The following GDA variants were observed in gnomAD, a reference collection of about 807,000 sequenced individuals.
The protein encoded by GDA is cytoplasmic PSD-95 interactor.
Under a neutral mutation model 59.6 loss-of-function variants are expected in GDA, and 18 were observed. That is an observed-to-expected ratio of 0.30 (90% confidence interval 0.21 to 0.45). The LOEUF (loss-of-function observed/expected upper bound fraction) is 0.45, where lower values mean the gene tolerates loss of function less well. Among genes scored for constraint, GDA ranks in the 20% least tolerant of loss-of-function variants. GDA has a pLI of 1.00. For missense variants in GDA, 427 were observed against 552.3 expected (o/e 0.77, Z 2.27); for synonymous variants, 201 against 201.1 (o/e 1.00, Z 0.00).
downstream of GDA, among the ~76,000 whole-genome samples, chr9:72,253,984 A>T (rs1204959191): frequency 6.6e-6 from 1 of 152,166 alleles, no homozygotes; most frequent in African/African-American, 2.4e-5. Flanking sequence ...AATACCTCCC[A>T]GTAGCAAAAC....
chr9:72,247,577 C>A, intron 13 of GDA, 144 bp downstream of exon 13: 1 of 618,980 alleles, frequency 1.6e-6, no homozygotes, highest in Non-Finnish European at 2.9e-6. Context: ...TTTTAACAGT[C>A]TGAAGCATCA....
intron 2 of GDA, chr9:72,197,594 G>A (rs1833347527): frequency 6.6e-6 from 1 of 152,086 alleles, no homozygotes; most frequent in African/African-American, 2.4e-5. Context: ...CTCTTTATGA[G>A]GTTGCTTTTG....
intron 3 of GDA, 122 bp from the exon 4 acceptor site, chr9:72,210,565 A>T (rs1456905306): frequency 3.2e-6 from 2 of 628,518 alleles, no homozygotes; most frequent in Non-Finnish European, 5.7e-6. Context: ...CTCTACATCA[A>T]GATGGCATAC....
intron 1 of GDA, among the ~76,000 whole-genome samples, chr9:72,162,376 A>G (rs1828740570): frequency 6.6e-6 from 1 of 152,218 alleles, no homozygotes; most frequent in African/African-American, 2.4e-5. Flanking sequence ...AAATCAGAGG[A>G]CTTGGCTTAT....
intron 1 of GDA, among the ~76,000 whole-genome samples, chr9:72,162,884 C>T (rs1587418115): frequency 6.6e-6 from 1 of 152,162 alleles, no homozygotes; most frequent in Admixed American, 6.5e-5. Flanking sequence ...GTCTCGATCT[C>T]CTGACCTCGT....
chr9:72,195,337 C>CTTTTTTTTTTTTTTTTTTTTTTTT (rs55634274), intron 1 of GDA, among the ~76,000 whole-genome samples, 163 bp from the exon 2 acceptor site: 1 of 119,560 alleles, frequency 8.4e-6, no homozygotes, highest in Non-Finnish European at 1.8e-5. Flanking sequence ...AAACACCTGT[C>CTTTTTTTTTTTTTTTTTTTTTTTT]TTTTTTTTTT....
intron 3 of GDA, among the ~76,000 whole-genome samples, chr9:72,208,318 G>A (rs1011349507): frequency 6.6e-6 from 1 of 152,176 alleles, no homozygotes; most frequent in Non-Finnish European, 1.5e-5. Flanking sequence ...TCAAGGTCAC[G>A]TAGCTAATAA....
intron 1 of GDA, among the ~76,000 whole-genome samples, chr9:72,130,086 G>A (rs948448505): frequency 5.9e-5 from 9 of 152,274 alleles, no homozygotes; most frequent in African/African-American, 2.2e-4. Context: ...GTCACTGAGA[G>A]AAAGTTAGAC....
At chr9:72,123,199 T>C (rs1825724521) in intron 1 of GDA, among the ~76,000 whole-genome samples, 1 of 150,014 alleles carries the variant, frequency 6.7e-6, no homozygotes. Context: ...TTTTTTTTTT[T>C]TTGAGACCGA....
At chr9:72,187,041 A>G (rs1372777754) in intron 1 of GDA, among the ~76,000 whole-genome samples, 1 of 152,320 alleles carries the variant, frequency 6.6e-6, no homozygotes, top group African/African-American at 2.4e-5. Flanking sequence ...TTGCATTTTC[A>G]TATACACTTA....
chr9:72,227,987 C>G lies in GDA; in HGVS notation c.867C>G (p.Asn289Lys), dbSNP rs753477191. The G allele has an allele frequency of 1.2e-6, 2 of 1,608,862 alleles. No individual in the cohort carries two copies. Among genetic ancestry groups the G allele is most frequent in the South Asian group, 1.1e-5 (1 of 90,738 alleles). Reference sequence around the variant, plus strand: ...GCTACCTCTCTGCAGAAGAACTGAACGTATTCCATGAACGAGGAGCATCCA... The same window carrying G: ...GCTACCTCTCTGCAGAAGAACTGAAGGTATTCCATGAACGAGGAGCATCCA... ...HGCYLSAEELNVFHERGASIA... is the reference protein window; with the variant it reads ...HGCYLSAEELKVFHERGASIA... Residue 289 changes from asparagine (N) to lysine (K), a missense_variant, in exon 9 of 14, where the codon AAC becomes AAG. Transcript: ENST00000358399.
chr9:72,198,649 A>G (rs1833514841), intron 2 of GDA, among the ~76,000 whole-genome samples: 1 of 151,652 alleles, frequency 6.6e-6, no homozygotes, highest in Admixed American at 6.6e-5. Flanking sequence ...TGGAACAGTC[A>G]CTTTCAAATA....
At chr9:72,124,691 A>G (rs529379829) in intron 1 of GDA, among the ~76,000 whole-genome samples, 7 of 152,106 alleles carry the variant, frequency 4.6e-5, no homozygotes, top group Non-Finnish European at 8.8e-5. Flanking sequence ...TTTTTTTTTA[A>G]TTTCTAAAAT....
At chr9:72,210,070 C>T (rs1339325518) in intron 3 of GDA, among the ~76,000 whole-genome samples, 1 of 152,144 alleles carries the variant, frequency 6.6e-6, no homozygotes, top group African/African-American at 2.4e-5. Flanking sequence ...TTAATCATAC[C>T]TGCATAGACT....
At chr9:72,178,239 C>T (rs1830756317) in intron 1 of GDA, among the ~76,000 whole-genome samples, 1 of 152,110 alleles carries the variant, frequency 6.6e-6, no homozygotes, top group Non-Finnish European at 1.5e-5. Context: ...ACTAAGTTTG[C>T]ACTTTATTCA....
intron 2 of GDA, among the ~76,000 whole-genome samples, chr9:72,197,925 T>C (rs1252537798): frequency 1.3e-5 from 2 of 152,058 alleles, no homozygotes; most frequent in African/African-American, 2.4e-5. Context: ...CCATGGGCAG[T>C]GCTGTGGTAG....
chr9:72,141,650 T>C (rs1176052846), intron 1 of GDA, among the ~76,000 whole-genome samples: 1 of 152,142 alleles, frequency 6.6e-6, no homozygotes, highest in Non-Finnish European at 1.5e-5. Flanking sequence ...TCTAGGAACA[T>C]GCATGCAATG....
chr9:72,204,681 A>ATTCTAT (rs1834453523), intron 3 of GDA, among the ~76,000 whole-genome samples: 1 of 152,254 alleles, frequency 6.6e-6, no homozygotes, highest in Admixed American at 6.5e-5. Context: ...AAGATTCTAT[A>ATTCTAT]CTATCAAGAA....
intron 1 of GDA, among the ~76,000 whole-genome samples, chr9:72,187,619 T>G (rs1195786644): frequency 6.6e-6 from 1 of 152,224 alleles, no homozygotes; most frequent in Non-Finnish European, 1.5e-5. Flanking sequence ...CCTGAAAATA[T>G]GCAAGTGGCT....
Sources: gnomAD v4.1 joint callset for allele counts (sites outside exome capture counted in the v4.1 genomes callset) on GRCh38, gnomAD v4.1.1 for gene constraint, MANE v1.5 for transcripts, NCBI Gene and HGNC (gene_info 2026-07-23, HGNC 2026-07-21) for gene names.